The following PTPN3 variants were observed in gnomAD, a reference collection of about 807,000 sequenced individuals.
PTPN3 encodes tyrosine-protein phosphatase non-receptor type 3.
In PTPN3, 96 loss-of-function variants were observed where a neutral mutation model predicts 132.7. The observed-to-expected ratio is 0.72, with a 90% CI of 0.61 to 0.86. PTPN3 has a LOEUF of 0.86. Ranked by LOEUF, PTPN3 falls within the 40% of genes least tolerant of loss-of-function variation. The pLI is 0.00. For synonymous variants in PTPN3, 398 were observed against 429.0 expected, an observed-to-expected ratio of 0.93 and a Z score of 0.89; for missense variants, 1,125 against 1,159.6, an observed-to-expected ratio of 0.97 and a Z score of 0.43.
At position 109,425,995 on chromosome 9, in the gene PTPN3, C is replaced by G. The variant is rs148653096; in HGVS notation, c.1001+955G>C. On this transcript the variant is annotated intron_variant, in intron 12 of 25. Transcript: ENST00000374541. ...CACCACTACACTCCAGGCTGGGTGA[C>G]AGAGTAAGACTCCATCTCAAAAAAA... 5.5e-3 allele frequency among the ~76,000 whole-genome samples: 679 copies of G among 124,520 alleles called. 3 individuals carry two copies. Among genetic ancestry groups the G allele is most frequent in the African/African-American group, 0.02 (651 of 32,428 alleles). The allele number at this position is 124,520 out of a possible 152,430, so 81.7% of individuals were successfully genotyped here. A position where few individuals can be genotyped will look rare whatever the true frequency, so the allele number is the denominator to read the frequency against.
chr9:109,443,041 G>A (rs1247621681), intron 7 of PTPN3, among the ~76,000 whole-genome samples: 3 of 151,314 alleles, frequency 2.0e-5, no homozygotes, highest in Non-Finnish European at 4.4e-5. Context: ...ATTAGGAGAG[G>A]CAATCCCACA....
intron 13 of PTPN3, among the ~76,000 whole-genome samples, chr9:109,422,155 T>C (rs1441966008): frequency 6.6e-6 from 1 of 152,194 alleles, no homozygotes; most frequent in Non-Finnish European, 1.5e-5. Context: ...GGCCAAAACC[T>C]GAGTTTAGGT....
intron 19 of PTPN3, among the ~76,000 whole-genome samples, chr9:109,403,239 GCTCT>G (rs1841297296): frequency 6.6e-6 from 1 of 152,106 alleles, no homozygotes; most frequent in Admixed American, 6.5e-5. Context: ...TTCACTCAAA[GCTCT>G]CTGCTTTGCA....
chr9:109,397,934 C>A (rs909210943), intron 19 of PTPN3, among the ~76,000 whole-genome samples: 1 of 152,162 alleles, frequency 6.6e-6, no homozygotes, highest in Non-Finnish European at 1.5e-5. Context: ...AAAAAACAAA[C>A]AAACAAACAA....
intron 14 of PTPN3, among the ~76,000 whole-genome samples, chr9:109,413,458 C>T (rs1234156501): frequency 1.3e-5 from 2 of 152,202 alleles, no homozygotes; most frequent in Admixed American, 6.5e-5. Flanking sequence ...CAGCTGGCCA[C>T]AGCACAGGGT....
the PTPN3 span, among the ~76,000 whole-genome samples, chr9:109,522,155 G>A: frequency 2.0e-5 from 3 of 152,236 alleles, no homozygotes; most frequent in Non-Finnish European, 4.4e-5. Flanking sequence ...CTGGGAATAT[G>A]TTAAACTCTC....
At chr9:109,531,625 GA>G in the PTPN3 span, among the ~76,000 whole-genome samples, 1 of 152,198 alleles carries the variant, frequency 6.6e-6, no homozygotes, top group Non-Finnish European at 1.5e-5. Context: ...GTAGTTTTGA[GA>G]ATGAGATAAT....
intron 22 of PTPN3, among the ~76,000 whole-genome samples, chr9:109,385,653 C>T (rs868471775): frequency 1.1e-4 from 17 of 152,290 alleles, no homozygotes; most frequent in Non-Finnish European, 1.9e-4. Context: ...AATGCACCTT[C>T]TTAGGGCTGT....
chr9:109,393,548 G>A lies in PTPN3; in HGVS notation c.1954-1987C>T, dbSNP rs974609069. On this transcript the variant is annotated intron_variant, in intron 19 of 25. Coordinates refer to ENST00000374541, the MANE Select transcript of PTPN3 (RefSeq NM_002829.4). ...ATTATAGGTATCCATCACCACACCT[G>A]CTTAATTTTTGTATTTTTAGTAGAG... 1.3e-5 allele frequency among the ~76,000 whole-genome samples: 2 copies of A among 151,624 alleles called. 1 individual carries two copies.
In PTPN3 at chr9:109,377,252, T is replaced by C. The variant is rs1838634703; in HGVS notation, c.*2304A>G. On this transcript the variant is annotated 3_prime_UTR_variant, in exon 26 of 26. Transcript: ENST00000374541. ...CTCTCTCTTCTAGAAGAGCATTTTC[T>C]ATTTTCCTCTCATAAAAACCCAGTT... The C allele has an allele frequency of 6.6e-6, 1 of 152,198 alleles. No individual in the cohort carries two copies. Among genetic ancestry groups the C allele is most frequent in the Non-Finnish European group, 1.5e-5 (1 of 68,054 alleles). The allele number at this position is 152,198 out of a possible 1,614,324, so 9.4% of individuals were successfully genotyped here. A position where few individuals can be genotyped will look rare whatever the true frequency, so the allele number is the denominator to read the frequency against.
chr9:109,432,647 C>T (rs1271699319), intron 10 of PTPN3, among the ~76,000 whole-genome samples: 2 of 152,188 alleles, frequency 1.3e-5, no homozygotes, highest in African/African-American at 2.4e-5. Context: ...CTCAGTTGTA[C>T]ACGTCTTTGG....
At chr9:109,523,837 C>T in the PTPN3 span, among the ~76,000 whole-genome samples, 3 of 152,204 alleles carry the variant, frequency 2.0e-5, no homozygotes, top group African/African-American at 4.8e-5. Context: ...TCCCTGAGTC[C>T]CAGTTGCTGA....
At chr9:109,409,002 GC>G (rs1420066816) in intron 16 of PTPN3, among the ~76,000 whole-genome samples, 1 of 151,412 alleles carries the variant, frequency 6.6e-6, no homozygotes, top group Non-Finnish European at 1.5e-5. Context: ...CATGATGGCA[GC>G]TGGGGGGTAG....
At chr9:109,468,226 T>G (rs918423494) in intron 1 of PTPN3, among the ~76,000 whole-genome samples, 1 of 152,200 alleles carries the variant, frequency 6.6e-6, no homozygotes, top group Non-Finnish European at 1.5e-5. Flanking sequence ...CTGACACAAA[T>G]GATTACAGCT....
chr9:109,463,097 C>T (rs777462918), intron 2 of PTPN3, among the ~76,000 whole-genome samples, 200 bp downstream of exon 2: 6 of 151,168 alleles, frequency 4.0e-5, no homozygotes, highest in Non-Finnish European at 7.4e-5. Flanking sequence ...CACAGAAGGG[C>T]GGGGGGAAGA....
chr9:109,379,461 G>T lies in PTPN3; in HGVS notation c.*95C>A. 1 of 1,157,516 alleles carries T rather than the reference G, an allele frequency of 8.6e-7. No homozygotes were observed. Among genetic ancestry groups the T allele is most frequent in the Non-Finnish European group, 1.3e-6 (1 of 777,196 alleles). The allele number at this position is 1,157,516 out of a possible 1,614,324, so 71.7% of individuals were successfully genotyped here. ...CAGAGGTGCCCATTCCTTTCCCACA[G>T]CTACTGGTTCCTCTTGCTGCTTCCA... On this transcript the variant is annotated 3_prime_UTR_variant, in exon 26 of 26. Coordinates refer to ENST00000374541, the MANE Select transcript of PTPN3 (RefSeq NM_002829.4).
intron 10 of PTPN3, among the ~76,000 whole-genome samples, chr9:109,431,532 T>G (rs1365174705): frequency 6.6e-6 from 1 of 152,004 alleles, no homozygotes; most frequent in African/African-American, 2.4e-5. Flanking sequence ...CAGGCTGGAG[T>G]TTCTTGCTTC....
At chr9:109,497,946 C>T (rs113625371) in intron 1 of PTPN3, among the ~76,000 whole-genome samples, 1 of 147,034 alleles carries the variant, frequency 6.8e-6, no homozygotes, top group Non-Finnish European at 1.5e-5. Context: ...CGCTCCGGCG[C>T]CGCGTCCCGG....
Position 109,376,358 on chromosome 9 carries a change from A to C in PTPN3, c.*3198T>G, listed in dbSNP as rs76421318. 339 of 152,166 alleles carry C rather than the reference A, an allele frequency of 2.2e-3. 2 individuals carry two copies. The highest frequency in any genetic ancestry group is 7.7e-3 in the African/African-American group (318 of 41,528). The allele number at this position is 152,166 out of a possible 1,614,324, so 9.4% of individuals were successfully genotyped here. A position where few individuals can be genotyped will look rare whatever the true frequency, so the allele number is the denominator to read the frequency against. ...GCTTGCCCTCAAATGCTCATTTCTG[A>C]GGTACCCCCCCCAGAAAAAGGTCAG... On this transcript the variant is annotated 3_prime_UTR_variant, in exon 26 of 26. Transcript: ENST00000374541.
Sources: gnomAD v4.1 joint callset for allele counts (sites outside exome capture counted in the v4.1 genomes callset) on GRCh38, gnomAD v4.1.1 for gene constraint, MANE v1.5 for transcripts, NCBI Gene and HGNC (gene_info 2026-07-23, HGNC 2026-07-21) for gene names.